The following OCA2 variants were observed in gnomAD, a reference collection of about 807,000 sequenced individuals.
OCA2 encodes the protein P protein.
Under a neutral mutation model 100.2 loss-of-function variants are expected in OCA2, and 77 were observed. That is an observed-to-expected ratio of 0.77 (90% confidence interval 0.64 to 0.93). OCA2 has a LOEUF of 0.93. OCA2 is among the 40% of genes least tolerant of loss of function. OCA2 has a pLI of 0.00. For missense variants in OCA2, 1,062 were observed against 1,089.1 expected (o/e 0.98, Z 0.35); for synonymous variants, 432 against 439.2 (o/e 0.98, Z 0.21).
intron 2 of OCA2, among the ~76,000 whole-genome samples, chr15:28,056,952 G>A (rs1429640192): frequency 2.0e-5 from 3 of 152,228 alleles, no homozygotes; most frequent in Non-Finnish European, 4.4e-5. Flanking sequence ...TGTGACCTTG[G>A]GCAGTCGGTG....
the OCA2 span, among the ~76,000 whole-genome samples, chr15:27,733,282 C>T: frequency 6.6e-6 from 1 of 152,186 alleles, no homozygotes; most frequent in Admixed American, 6.5e-5. Flanking sequence ...AGGTCCCATC[C>T]TTCCTGTAAT....
intron 23 of OCA2, among the ~76,000 whole-genome samples, chr15:27,806,549 G>A (rs1006909000): frequency 1.3e-5 from 2 of 152,186 alleles, no homozygotes; most frequent in Non-Finnish European, 2.9e-5. Context: ...AAGGGCGACA[G>A]GAGGAGGGCC....
chr15:27,861,993 C>T (rs945349633), intron 21 of OCA2, among the ~76,000 whole-genome samples: 5 of 152,214 alleles, frequency 3.3e-5, no homozygotes, highest in South Asian at 2.1e-4. Flanking sequence ...TGGGTGGCCA[C>T]GGCGTCACGT....
At chr15:27,989,517 T>C (rs1010989792) in intron 11 of OCA2, 84 bp downstream of exon 11, 19 of 1,097,974 alleles carry the variant, frequency 1.7e-5, no homozygotes, top group Non-Finnish European at 2.5e-5. Flanking sequence ...TTTAACATAA[T>C]GAAGGACCCT....
At chr15:27,965,218 C>T (rs1052152445) in intron 15 of OCA2, among the ~76,000 whole-genome samples, 1 of 152,184 alleles carries the variant, frequency 6.6e-6, no homozygotes, top group Admixed American at 6.5e-5. Flanking sequence ...TTATCCACCA[C>T]GATCACAGTC....
At chr15:27,933,536 G>C (rs943211359) in intron 18 of OCA2, among the ~76,000 whole-genome samples, 10 of 152,212 alleles carry the variant, frequency 6.6e-5, no homozygotes, top group African/African-American at 2.4e-4. Context: ...AATCACCTGG[G>C]TGCAGGCGAG....
At chr15:27,883,492 C>T (rs973431463) in intron 19 of OCA2, among the ~76,000 whole-genome samples, 6 of 152,194 alleles carry the variant, frequency 3.9e-5, no homozygotes, top group Non-Finnish European at 7.3e-5. Flanking sequence ...TAAATTAAGT[C>T]GGCTACTGTT....
intron 22 of OCA2, among the ~76,000 whole-genome samples, chr15:27,846,365 C>T (rs72710545): frequency 0.043 from 6,475 of 152,210 alleles, 163 homozygotes; most frequent in South Asian, 0.061. Context: ...CAGGCCCTGC[C>T]CTGCTCAGCC....
intron 3 of OCA2, among the ~76,000 whole-genome samples, chr15:28,031,168 T>G (rs960261850): frequency 1.3e-5 from 2 of 152,234 alleles, no homozygotes; most frequent in African/African-American, 4.8e-5. Flanking sequence ...CCTTCTACAT[T>G]TCTTTGTTTT....
chr15:28,004,315 C>A (rs1319762728), intron 9 of OCA2, among the ~76,000 whole-genome samples: 1 of 151,636 alleles, frequency 6.6e-6, no homozygotes, highest in East Asian at 1.9e-4. Context: ...GCTGCATTGT[C>A]CCCGGGACAC....
chr15:27,837,083 T>G (rs530613986), intron 23 of OCA2, among the ~76,000 whole-genome samples: 122 of 152,358 alleles, frequency 8.0e-4, no homozygotes, highest in African/African-American at 2.9e-3. Flanking sequence ...TGGGTGGCAC[T>G]GAAACGGTAT....
intron 23 of OCA2, among the ~76,000 whole-genome samples, chr15:27,820,820 C>A (rs1375205100): frequency 2.0e-5 from 3 of 152,158 alleles, no homozygotes; most frequent in Non-Finnish European, 4.4e-5. Context: ...TCTCAGTATT[C>A]TACTATTCTT....
intron 19 of OCA2, chr15:27,895,841 C>A: frequency 5.8e-6 from 3 of 516,772 alleles, no homozygotes; most frequent in Admixed American, 2.5e-5. Context: ...ATACAACACA[C>A]CCAAATACAG....
At chr15:27,807,613 A>G (rs762040302) in intron 23 of OCA2, among the ~76,000 whole-genome samples, 1 of 152,062 alleles carries the variant, frequency 6.6e-6, no homozygotes, top group African/African-American at 2.4e-5. Context: ...CTAACAAATT[A>G]TGGCCTGGAG....
At chr15:27,766,685 C>A (rs765591521) in intron 23 of OCA2, among the ~76,000 whole-genome samples, 2 of 152,196 alleles carry the variant, frequency 1.3e-5, no homozygotes, top group Non-Finnish European at 2.9e-5. Context: ...ACCACTCACT[C>A]CTACCCAGTA....
intron 1 of OCA2, among the ~76,000 whole-genome samples, chr15:28,086,986 G>A (rs1306739697): frequency 6.6e-6 from 1 of 152,176 alleles, no homozygotes; most frequent in African/African-American, 2.4e-5. Context: ...GCCAGAAGAA[G>A]ATGATGAAGA....
rs553393980 is a variant in OCA2, at chr15:27,873,445, T to C, written c.2080-1523A>G. ...ATCCAAATTTTATTAAATAACACTTTAAAATTGAAAAAATATTGAATGTAG... is the reference window on the plus strand; with the variant it reads ...ATCCAAATTTTATTAAATAACACTTCAAAATTGAAAAAATATTGAATGTAG... On this transcript the variant is annotated intron_variant, in intron 19 of 23. Coordinates refer to ENST00000354638, the MANE Select transcript of OCA2 (RefSeq NM_000275.3). Among the ~76,000 whole-genome samples, 5 of 152,334 alleles carry C rather than the reference T, an allele frequency of 3.3e-5. No individual in the cohort carries two copies. The South Asian group carries it at 6.2e-4, about 19-fold the overall frequency.
intron 2 of OCA2, among the ~76,000 whole-genome samples, chr15:28,067,115 T>G (rs944750232): frequency 6.6e-6 from 1 of 152,192 alleles, no homozygotes; most frequent in East Asian, 1.9e-4. Flanking sequence ...GTCCTCACAT[T>G]TAGCTCAGAA....
intron 23 of OCA2, among the ~76,000 whole-genome samples, chr15:27,757,792 C>T (rs760150284): frequency 6.6e-6 from 1 of 152,124 alleles, no homozygotes; most frequent in Non-Finnish European, 1.5e-5. Context: ...AGCCACAGAC[C>T]AGTGCTCCTC....
Sources: allele counts gnomAD v4.1 joint callset (sites outside exome capture counted in the v4.1 genomes callset), GRCh38; gene constraint gnomAD v4.1.1; transcripts MANE v1.5; gene names NCBI Gene and HGNC (gene_info 2026-07-23, HGNC 2026-07-21).